Variants in MAP3K13 observed in about 807,000 individuals in gnomAD.
MAP3K13 encodes the protein leucine zipper-bearing kinase.
MAP3K13 carries 52 observed loss-of-function variants against 104.0 expected under a neutral mutation model. The ratio of observed to expected loss-of-function variants is 0.50; its 90% CI spans 0.40 to 0.63. MAP3K13 has a LOEUF of 0.63. Among genes scored for constraint, MAP3K13 ranks in the 20% least tolerant of loss-of-function variants. The pLI is 0.00. For missense variants in MAP3K13, 914 were observed against 1,218.5 expected, an observed-to-expected ratio of 0.75 and a Z score of 3.72; for synonymous variants, 394 against 442.2, an observed-to-expected ratio of 0.89 and a Z score of 1.37.
At chr3:185,374,047 A>G (rs1724298591) in intron 1 of MAP3K13, among the ~76,000 whole-genome samples, 1 of 152,094 alleles carries the variant, frequency 6.6e-6, no homozygotes, top group Non-Finnish European at 1.5e-5. Context: ...GAACCTTCTT[A>G]AGGGTGGGGG....
rs572202296 is a variant in MAP3K13, at chr3:185,488,996, T to C, written c.*6540T>C. 4.6e-5 allele frequency: 7 copies of C among 152,248 alleles called. 1 individual carries two copies. Among genetic ancestry groups the C allele is most frequent in the Non-Finnish European group, 1.0e-4 (7 of 68,056 alleles). The allele number at this position is 152,248 out of a possible 1,614,324, so 9.4% of individuals were successfully genotyped here. ...GTCAGTCCCCAGCTCCCAGTGTTGT[T>C]TTCTGATGCCGGCTCCCTCTCTGTA... is the stretch of plus-strand genomic sequence containing the variant. On this transcript the variant is annotated 3_prime_UTR_variant, in exon 14 of 14. Transcript: ENST00000265026.
At chr3:185,363,458 T>C in intron 1 of MAP3K13, 90 bp downstream of exon 1, 2 of 680,784 alleles carry the variant, frequency 2.9e-6, no homozygotes, top group Non-Finnish European at 3.6e-6. Flanking sequence ...ATTAGAAAGC[T>C]GATATTATTG....
At position 185,447,961 on chromosome 3, in the gene MAP3K13, C is replaced by A; in HGVS notation, c.1010+14C>A. ...AGTTGATATATGGTGAGTGGCGCCA[C>A]CAGTTGTGCCAACTAAAAAGCCTTT... On this transcript the variant is annotated intron_variant, in intron 5 of 13. Transcript: ENST00000265026. 6.3e-7 allele frequency: 1 copy of A among 1,595,292 alleles called. No homozygotes were observed. The highest frequency in any genetic ancestry group is 2.2e-5 in the East Asian group (1 of 44,550).
rs1717881051 is a variant in MAP3K13 at position 185,472,786 on chromosome 3, C to T, written c.1644-189C>T. Among the ~76,000 whole-genome samples, 3 of 152,234 alleles carry T rather than the reference C, an allele frequency of 2.0e-5. No homozygotes were observed. The South Asian group carries it at 6.2e-4, about 31-fold the overall frequency. On this transcript the variant is annotated intron_variant, in intron 10 of 13. Coordinates refer to ENST00000265026, the MANE Select transcript of MAP3K13 (RefSeq NM_004721.5). ...TTTCCATGCAAAAAATTTTGAGATC[C>T]ATGCATAGTTTCTTCATAATATGCA...
At position 185,473,606 on chromosome 3, in the gene MAP3K13, A is replaced by G; in HGVS notation, c.2275A>G (p.Lys759Glu). Residue 759 changes from lysine (K) to glutamate (E), a missense_variant, in exon 11 of 14, where the codon AAG becomes GAG. By Grantham distance (56) the Lys-to-Glu change is moderately conservative. Transcript: ENST00000265026. The surrounding 1 kb of genome is among the most constrained non-coding windows in gnomAD (Gnocchi z 4.9). ...EPVGRSPDLSKSPAHNPLLEN... is the reference protein window; with the variant it reads ...EPVGRSPDLSESPAHNPLLEN... ...AGTGGGGAGGAGCCCTGACCTTTCC[A>G]AGTCACCAGCACATAATCCTCTCTT... The G allele has an allele frequency of 6.2e-7, 1 of 1,614,186 alleles. No individual in the cohort carries two copies.
chr3:185,420,992 T>C (rs1714085617), intron 1 of MAP3K13, among the ~76,000 whole-genome samples: 1 of 152,074 alleles, frequency 6.6e-6, no homozygotes, highest in Admixed American at 6.6e-5. Context: ...CACTTCCTCC[T>C]CTTGGGGCCA....
chr3:185,449,379 A>C (rs1479266703), intron 5 of MAP3K13, among the ~76,000 whole-genome samples: 5 of 140,592 alleles, frequency 3.6e-5, no homozygotes, highest in African/African-American at 1.3e-4. Flanking sequence ...TCTAAAAAAA[A>C]AAAAAAAAAA....
chr3:185,286,117 CT>C (rs1421418231), intron 2 of MAP3K13, among the ~76,000 whole-genome samples: 1 of 151,958 alleles, frequency 6.6e-6, no homozygotes, highest in Non-Finnish European at 1.5e-5. Context: ...TTTATTCTGC[CT>C]TATTTATACT....
chr3:185,363,904 C>T (rs927278851), intron 1 of MAP3K13, among the ~76,000 whole-genome samples: 2 of 152,198 alleles, frequency 1.3e-5, no homozygotes, highest in Non-Finnish European at 2.9e-5. Context: ...TTCAAAAGCT[C>T]TTATGACGGG....
At chr3:185,296,559 T>C (rs1012295905) in intron 2 of MAP3K13, among the ~76,000 whole-genome samples, 1 of 152,236 alleles carries the variant, frequency 6.6e-6, no homozygotes, top group Non-Finnish European at 1.5e-5. Context: ...TTTGACCATC[T>C]TATTTAAAAT....
chr3:185,480,530 G>C lies in MAP3K13; in HGVS notation c.2799+1G>C. 4.3e-6 allele frequency: 7 copies of C among 1,611,424 alleles called. No individual in the cohort carries two copies. Among genetic ancestry groups the C allele is most frequent in the Non-Finnish European group, 5.9e-6 (7 of 1,178,082 alleles). On this transcript the variant is annotated splice_donor_variant, in intron 13 of 13. Coordinates refer to ENST00000265026, the MANE Select transcript of MAP3K13 (RefSeq NM_004721.5). LOFTEE classifies it high-confidence loss of function. ...GTGTGTGGAGGAACGTGGCTATGAG[G>C]TGGGGGCTTCTCCCTTCTCCTCCCA...
intron 2 of MAP3K13, among the ~76,000 whole-genome samples, chr3:185,310,710 A>G (rs1454369814): frequency 6.6e-6 from 1 of 152,164 alleles, no homozygotes; most frequent in Non-Finnish European, 1.5e-5. Flanking sequence ...GCACAAAGAG[A>G]AAAAAAGAGT....
chr3:185,295,965 G>A (rs1720905665), intron 2 of MAP3K13, among the ~76,000 whole-genome samples: 2 of 152,196 alleles, frequency 1.3e-5, no homozygotes, highest in East Asian at 3.9e-4. Flanking sequence ...CCTCTTGACT[G>A]ACTGCAGTGC....
chr3:185,385,432 C>G (rs1711632157), intron 1 of MAP3K13, among the ~76,000 whole-genome samples: 1 of 152,148 alleles, frequency 6.6e-6, no homozygotes, highest in Admixed American at 6.6e-5. Context: ...CTCAGCTTCA[C>G]AAAGTGCTGG....
upstream of MAP3K13, among the ~76,000 whole-genome samples, chr3:185,358,637 G>GAA (rs5855060): frequency 0.84 from 127,652 of 151,934 alleles, 54,278 homozygotes; most frequent in Non-Finnish European, 0.91. Context: ...GCTGGACAGA[G>GAA]AAAAATGGCA....
chr3:185,412,476 T>TG (rs1390459742), intron 1 of MAP3K13, among the ~76,000 whole-genome samples: 1 of 152,134 alleles, frequency 6.6e-6, no homozygotes, highest in Non-Finnish European at 1.5e-5. Context: ...AATTAAACAA[T>TG]GGGTATGGAT....
chr3:185,455,405 T>TATATATG (rs1560119437), intron 7 of MAP3K13, among the ~76,000 whole-genome samples: 3 of 85,138 alleles, frequency 3.5e-5, no homozygotes, highest in African/African-American at 1.3e-4. Context: ...ATATGAGATA[T>TATATATG]ATATATGAGA....
In MAP3K13 at chr3:185,482,811, CA is replaced by C. The variant is rs3834186; in HGVS notation, c.*366del. 3,415 of 186,490 alleles carry C rather than the reference CA, an allele frequency of 0.018. No individual in the cohort carries two copies. The highest frequency in any genetic ancestry group is 0.033 in the Middle Eastern group (19 of 572). 11.6% of individuals were successfully genotyped at this position (186,490 alleles called of 1,614,324 possible). A position where few individuals can be genotyped will look rare whatever the true frequency, so the allele number is the denominator to read the frequency against. On this transcript the variant is annotated 3_prime_UTR_variant, in exon 14 of 14. Coordinates refer to ENST00000265026, the MANE Select transcript of MAP3K13 (RefSeq NM_004721.5). The surrounding 1 kb of genome is among the most constrained non-coding windows in gnomAD (Gnocchi z 4.5). Reference sequence around the variant, plus strand: ...GAGATAGAGAGACAATAATTTCTTGCAAAAAAAAAAAGAGATAAAAGAAAGA... The same window carrying C: ...GAGATAGAGAGACAATAATTTCTTGCAAAAAAAAAAGAGATAAAAGAAAGA...
chr3:185,334,604 T>G (rs1254879201), intron 2 of MAP3K13, among the ~76,000 whole-genome samples: 1 of 9,688 alleles, frequency 1.0e-4, no homozygotes, highest in Non-Finnish European at 5.2e-4. Flanking sequence ...ATGGATTTTC[T>G]TTTTTTTTTT....
Sources: gnomAD v4.1 joint callset for allele counts (sites outside exome capture counted in the v4.1 genomes callset) on GRCh38, gnomAD v4.1.1 for gene constraint, Gnocchi (gnomAD v3.1) non-coding constraint, MANE v1.5 for transcripts, NCBI Gene and HGNC (gene_info 2026-07-23, HGNC 2026-07-21) for gene names.